The following DPP3 variants were observed in gnomAD, a reference collection of about 807,000 sequenced individuals.
DPP3 encodes DPP III.
DPP3 carries 64 observed loss-of-function variants against 89.8 expected under a neutral mutation model. That is an observed-to-expected ratio of 0.71 (90% confidence interval 0.58 to 0.88). The LOEUF (loss-of-function observed/expected upper bound fraction) is 0.88, where lower values mean the gene tolerates loss of function less well. DPP3 is among the 40% of genes least tolerant of loss of function. The pLI, the probability that DPP3 is intolerant of heterozygous loss-of-function variation, is 0.00. For missense variants in DPP3, 835 were observed against 972.5 expected, an observed-to-expected ratio of 0.86 and a Z score of 1.88; for synonymous variants, 377 against 404.3, an observed-to-expected ratio of 0.93 and a Z score of 0.81.
In DPP3 at chr11:66,491,486, C is replaced by T; in HGVS notation, c.799-8C>T. The T allele has an allele frequency of 6.3e-7, 1 of 1,598,688 alleles. No individual in the cohort carries two copies. Among genetic ancestry groups the T allele is most frequent in the East Asian group, 2.2e-5 (1 of 44,532 alleles). ...GGCCCGAGGCTGACCGACCCCCGCT[C>T]ACCTCAGGCCTATGCAGCCAACAGC... On this transcript the variant is annotated splice_region_variant and splice_polypyrimidine_tract_variant and intron_variant, in intron 7 of 17. Transcript: ENST00000531863.
chr11:66,502,246 G>A (rs1855696214), intron 16 of DPP3, among the ~76,000 whole-genome samples: 2 of 151,852 alleles, frequency 1.3e-5, no homozygotes, highest in Admixed American at 6.6e-5. Context: ...GACAGCCACA[G>A]AGTGCAGTCA....
At position 66,482,342 on chromosome 11, in the gene DPP3, G is replaced by A. The variant is rs11550300; in HGVS notation, c.142G>A (p.Val48Met). ...SRAAWYGGLA[V>M]LLQTSPEAPY... ...TGCCGCCTGGTACGGAGGCCTGGCT[G>A]TGCTGCTTCAGACCTCCCCTGAGGC... The change falls in exon 2 of 18, where the codon GTG becomes ATG. Residue 48 changes from valine (V) to methionine (M), a missense_variant. Physicochemically the swap from Val to Met is conservative, Grantham distance 21. Coordinates refer to ENST00000531863, the MANE Select transcript of DPP3 (RefSeq NM_130443.4). 1 of 1,613,480 alleles carries A rather than the reference G, an allele frequency of 6.2e-7. No homozygotes were observed. The highest frequency in any genetic ancestry group is 2.2e-5 in the East Asian group (1 of 44,896).
chr11:66,488,318 T>TA (rs1242731529), intron 6 of DPP3, among the ~76,000 whole-genome samples: 1 of 152,098 alleles, frequency 6.6e-6, no homozygotes, highest in Non-Finnish European at 1.5e-5. Context: ...TCCCAGCACT[T>TA]TGGGAGGCAA....
chr11:66,491,718 G>A lies in DPP3; in HGVS notation c.950G>A (p.Ser317Asn). The A allele has an allele frequency of 6.2e-7, 1 of 1,612,850 alleles. No homozygotes were observed. The highest frequency in any genetic ancestry group is 8.5e-7 in the Non-Finnish European group (1 of 1,179,804). The stretch of plus-strand genomic sequence containing the variant: ...CCCAGTTACATCGGGTTCATCGAGA[G>A]CTACCGCGACCCCTTTGGTTCCCGA... ...IVESYIGFIE[S>N]YRDPFGSRGE... Residue 317 changes from serine (S) to asparagine (N), a missense_variant, in exon 9 of 18, where the codon AGC becomes AAC. Physicochemically the swap from Ser to Asn is conservative, Grantham distance 46. Coordinates refer to ENST00000531863, the MANE Select transcript of DPP3 (RefSeq NM_130443.4).
chr11:66,496,145 G>A (rs1476162065), intron 15 of DPP3, among the ~76,000 whole-genome samples: 2 of 152,248 alleles, frequency 1.3e-5, no homozygotes, highest in African/African-American at 4.8e-5. Context: ...CTAAGTGGCA[G>A]AGCCAGGATT....
intron 17 of DPP3, among the ~76,000 whole-genome samples, chr11:66,507,864 AT>A (rs1855843013): frequency 6.6e-6 from 1 of 151,918 alleles, no homozygotes; most frequent in African/African-American, 2.4e-5. Context: ...TTTAGTAGAG[AT>A]GGGGTTTCAC....
At chr11:66,483,019 CTTTTTTATTTTTTAT>C (rs1310678468) in intron 2 of DPP3, 1 of 139,818 alleles carries the variant, frequency 7.2e-6, no homozygotes, top group Non-Finnish European at 1.6e-5. Context: ...CTTTCTCTCT[CTTTTTTATTTTTTAT>C]TTTTTTTTTG....
intron 16 of DPP3, among the ~76,000 whole-genome samples, chr11:66,497,820 G>T (rs2134741614): frequency 6.6e-6 from 1 of 151,994 alleles, no homozygotes; most frequent in Non-Finnish European, 1.5e-5. Context: ...GAGCCTGAGG[G>T]GTCGAGGCTG....
Position 66,492,825 on chromosome 11 carries a change from CAA to C in DPP3, c.1099_1100del (p.Lys367ValfsTer5). ...CCTGGCCCCCAACCTTTGAGAAGGA[CAA>C]GTTCCTCACCCCTGACTTCACCTCC... ...LPWPPTFEKD[K>X]FLTPDFTSLD... On this transcript the variant is annotated frameshift_variant, in exon 10 of 18. Transcript: ENST00000531863. LOFTEE classifies it high-confidence loss of function. 1 of 1,614,134 alleles carries C rather than the reference CAA, an allele frequency of 6.2e-7. No individual in the cohort carries two copies. The highest frequency in any genetic ancestry group is 8.5e-7 in the Non-Finnish European group (1 of 1,180,014).
intron 1 of DPP3, 129 bp downstream of exon 1, chr11:66,480,594 C>T: frequency 1.2e-5 from 13 of 1,125,606 alleles, no homozygotes; most frequent in African/African-American, 1.6e-5. Flanking sequence ...TTCACCCCGC[C>T]CTCGAGGCCA....
At chr11:66,486,503 T>C (rs1368347440) in intron 3 of DPP3, 37 bp from the exon 4 acceptor site, 1 of 1,464,270 alleles carries the variant, frequency 6.8e-7, no homozygotes, top group East Asian at 2.6e-5. Context: ...CAGGTTTGGG[T>C]GGTGTGACTG....
At chr11:66,503,292 A>G (rs1362319724) in intron 16 of DPP3, among the ~76,000 whole-genome samples, 1 of 152,180 alleles carries the variant, frequency 6.6e-6, no homozygotes, top group Non-Finnish European at 1.5e-5. Context: ...TATAAAGGGT[A>G]ATGGTCATAC....
chr11:66,483,998 G>T (rs1252029419), intron 2 of DPP3, among the ~76,000 whole-genome samples: 1 of 151,448 alleles, frequency 6.6e-6, no homozygotes, highest in Non-Finnish European at 1.5e-5. Context: ...TTTTTGTGGG[G>T]GACGGAGTCT....
intron 16 of DPP3, among the ~76,000 whole-genome samples, chr11:66,502,488 G>A (rs1367373561): frequency 4.9e-5 from 7 of 143,460 alleles, no homozygotes; most frequent in South Asian, 2.2e-4. Flanking sequence ...TTTTTTTTTC[G>A]AAACCAAGTC....
In DPP3 at chr11:66,485,172, G is replaced by T. The variant is rs1168769771; in HGVS notation, c.271-1G>T. 5.6e-6 allele frequency: 9 copies of T among 1,614,010 alleles called. No homozygotes were observed. The highest frequency in any genetic ancestry group is 1.3e-5 in the African/African-American group (1 of 74,922). ...GTCTCTGATGCCTGCCTCCCCCTCA[G>T]GCGTTCCTGGTCTATGCCGCGGGTG... On this transcript the variant is annotated splice_acceptor_variant, in intron 2 of 17. Transcript: ENST00000531863. LOFTEE classifies it high-confidence loss of function.
chr11:66,497,524 G>A (rs1308302744), intron 16 of DPP3, 47 bp downstream of exon 16: 1 of 1,575,986 alleles, frequency 6.3e-7, no homozygotes, highest in East Asian at 2.3e-5. Context: ...AACCTCTCCA[G>A]GGGCACTGAG....
intron 15 of DPP3, among the ~76,000 whole-genome samples, chr11:66,496,997 C>A (rs1855555925): frequency 6.6e-6 from 1 of 152,142 alleles, no homozygotes. Context: ...GGATCTGGAG[C>A]AGCAGGGATC....
Position 66,487,863 on chromosome 11 carries a change from CCA to C in DPP3, c.574-49_574-48del, listed in dbSNP as rs758899488. On this transcript the variant is annotated intron_variant, in intron 5 of 17. Coordinates refer to ENST00000531863, the MANE Select transcript of DPP3 (RefSeq NM_130443.4). Reference sequence around the variant, plus strand: ...TTGACCCATTTTCCTTCCTCCCACCCCACTGCCCTCTCCAGACTTCACTCTTA... The same window carrying C: ...TTGACCCATTTTCCTTCCTCCCACCCCTGCCCTCTCCAGACTTCACTCTTA... 3 of 1,566,394 alleles carry C rather than the reference CCA, an allele frequency of 1.9e-6. No individual in the cohort carries two copies. In the Admixed American group the frequency reaches 5.1e-5, roughly 27 times the overall value.
chr11:66,497,165 C>G (rs1195712592), intron 15 of DPP3, 133 bp from the exon 16 acceptor site: 16 of 1,108,842 alleles, frequency 1.4e-5, no homozygotes, highest in Non-Finnish European at 1.9e-5. Flanking sequence ...GGGAGAATGA[C>G]AATAACAGTT....
Sources: allele counts gnomAD v4.1 joint callset (sites outside exome capture counted in the v4.1 genomes callset), GRCh38; gene constraint gnomAD v4.1.1; transcripts MANE v1.5; gene names NCBI Gene and HGNC (gene_info 2026-07-23, HGNC 2026-07-21).